LPP: variants seen among roughly 807,000 people sequenced by gnomAD.
LPP encodes lipoma-preferred partner.
Under a neutral mutation model 60.4 loss-of-function variants are expected in LPP, and 38 were observed. That is an observed-to-expected ratio of 0.63 (90% CI 0.49 to 0.83). LPP has a LOEUF of 0.83. LPP is among the 40% of genes least tolerant of loss of function. The pLI is 0.00. For missense variants in LPP, 902 were observed against 783.6 expected, an observed-to-expected ratio of 1.15 and a Z score of -1.80; for synonymous variants, 328 against 290.8, an observed-to-expected ratio of 1.13 and a Z score of -1.30.
At chr3:188,698,016 G>C in intron 7 of LPP, among the ~76,000 whole-genome samples, 1 of 152,140 alleles carries the variant, frequency 6.6e-6, no homozygotes, top group Non-Finnish European at 1.5e-5. Flanking sequence ...GAAACTCTGT[G>C]CCGTCTTTTT....
At chr3:188,245,032 T>C (rs1726377780) in intron 2 of LPP, among the ~76,000 whole-genome samples, 1 of 152,188 alleles carries the variant, frequency 6.6e-6, no homozygotes, top group South Asian at 2.1e-4. Context: ...GTGATTTTTG[T>C]CCTCTTCTTT....
Position 188,627,527 on chromosome 3 carries a change from A to G in LPP, c.1113+17683A>G, listed in dbSNP as rs145692829. 1.2e-4 allele frequency among the ~76,000 whole-genome samples: 18 copies of G among 152,264 alleles called. No homozygotes were observed. In the East Asian group the frequency reaches 3.3e-3, roughly 28 times the overall value. On this transcript the variant is annotated intron_variant, in intron 7 of 11. Coordinates refer to ENST00000617246, the MANE Select transcript of LPP (RefSeq NM_001375462.1). ...CAGAAAAAACAGACTGTAAACCAAC[A>G]ATGATTCAAAAGGACAAAAAAAGGG...
chr3:188,514,002 T>A (rs11915600), intron 5 of LPP, among the ~76,000 whole-genome samples: 9,862 of 152,104 alleles, frequency 0.065, 723 homozygotes, highest in East Asian at 0.18. Flanking sequence ...TTTGTAGAGG[T>A]AAAAGTTGAG....
chr3:188,358,945 C>A (rs972046039), intron 3 of LPP, among the ~76,000 whole-genome samples: 3 of 152,156 alleles, frequency 2.0e-5, no homozygotes, highest in Admixed American at 6.5e-5. Flanking sequence ...CTATTAGGTG[C>A]TGACAGTGCG....
chr3:188,591,804 G>A (rs528068144), intron 6 of LPP, among the ~76,000 whole-genome samples: 2 of 152,224 alleles, frequency 1.3e-5, no homozygotes, highest in East Asian at 1.9e-4. Context: ...ATAAATGACT[G>A]GTCTTTGATA....
intron 2 of LPP, among the ~76,000 whole-genome samples, chr3:188,296,493 C>T (rs1281112654): frequency 6.6e-6 from 1 of 152,146 alleles, no homozygotes; most frequent in Non-Finnish European, 1.5e-5. Context: ...AGTGTGGTTA[C>T]AGTAGGTGAT....
At chr3:188,484,855 A>G (rs1291909001) in intron 5 of LPP, 151 bp downstream of exon 5, 1 of 579,140 alleles carries the variant, frequency 1.7e-6, no homozygotes, top group African/African-American at 1.9e-5. Flanking sequence ...ACTTATGAAG[A>G]TCTAAGGTAC....
At chr3:188,477,972 C>A (rs1307707909) in intron 4 of LPP, among the ~76,000 whole-genome samples, 1 of 152,098 alleles carries the variant, frequency 6.6e-6, no homozygotes, top group African/African-American at 2.4e-5. Context: ...TATTTTGATG[C>A]AGATTGAGGA....
intron 9 of LPP, among the ~76,000 whole-genome samples, chr3:188,765,686 C>T (rs1018414155): frequency 2.6e-5 from 4 of 151,124 alleles, no homozygotes; most frequent in South Asian, 4.2e-4. Context: ...TACTAACATC[C>T]GTGCTAACAT....
chr3:188,701,944 C>CTTTTT (rs35803152), intron 7 of LPP, among the ~76,000 whole-genome samples: 41 of 83,548 alleles, frequency 4.9e-4, no homozygotes, highest in South Asian at 1.6e-3. Flanking sequence ...GTTTTTTTCC[C>CTTTTT]TTTTTTTTTT....
intron 7 of LPP, among the ~76,000 whole-genome samples, chr3:188,657,277 T>TATATATATATATATATATATATATCA (rs1455015955): frequency 1.4e-5 from 2 of 145,168 alleles, no homozygotes; most frequent in African/African-American, 5.0e-5. Context: ...TATATATATA[T>TATATATATATATATATATATATATCA]ATATTTCCAA....
intron 7 of LPP, among the ~76,000 whole-genome samples, chr3:188,637,106 C>G (rs1292847713): frequency 6.6e-6 from 1 of 150,644 alleles, no homozygotes; most frequent in African/African-American, 2.5e-5. Context: ...TGACCACATA[C>G]TTGGAAGTAA....
intron 1 of LPP, among the ~76,000 whole-genome samples, chr3:188,196,784 A>T (rs1205510792): frequency 6.6e-6 from 1 of 152,142 alleles, no homozygotes; most frequent in East Asian, 1.9e-4. Flanking sequence ...TCCTCATCTC[A>T]CTAATCTCCA....
At chr3:188,196,819 T>C (rs1349625466) in intron 1 of LPP, among the ~76,000 whole-genome samples, 2 of 152,184 alleles carry the variant, frequency 1.3e-5, no homozygotes, top group Non-Finnish European at 2.9e-5. Flanking sequence ...TCTAGGAATA[T>C]ACCTGGGATT....
intron 2 of LPP, among the ~76,000 whole-genome samples, chr3:188,309,343 T>C (rs1351304699): frequency 6.6e-6 from 1 of 152,098 alleles, no homozygotes; most frequent in Non-Finnish European, 1.5e-5. Context: ...TCTTCTAATA[T>C]ACAGTGGAGG....
At chr3:188,316,701 C>T (rs1388624088) in intron 2 of LPP, among the ~76,000 whole-genome samples, 2 of 152,194 alleles carry the variant, frequency 1.3e-5, no homozygotes, top group Non-Finnish European at 2.9e-5. Context: ...CTTCCTATGT[C>T]TCATTTAAAA....
intron 3 of LPP, among the ~76,000 whole-genome samples, chr3:188,381,207 T>C (rs1776795537): frequency 6.6e-6 from 1 of 152,116 alleles, no homozygotes; most frequent in Admixed American, 6.5e-5. Flanking sequence ...CAAAGTCAGA[T>C]TATGAGGCTT....
intron 9 of LPP, among the ~76,000 whole-genome samples, chr3:188,818,572 T>C (rs1753096835): frequency 6.6e-6 from 1 of 152,206 alleles, no homozygotes; most frequent in African/African-American, 2.4e-5. Context: ...AGAATCACTC[T>C]CCTGTTAATC....
intron 6 of LPP, among the ~76,000 whole-genome samples, chr3:188,571,999 G>A (rs1218350470): frequency 6.6e-6 from 1 of 152,070 alleles, no homozygotes; most frequent in East Asian, 1.9e-4. Flanking sequence ...ATGGAGATTA[G>A]TGACTTGGAA....
Sources: gnomAD v4.1 joint callset for allele counts (sites outside exome capture counted in the v4.1 genomes callset) on GRCh38, gnomAD v4.1.1 for gene constraint, MANE v1.5 for transcripts, NCBI Gene and HGNC (gene_info 2026-07-23, HGNC 2026-07-21) for gene names.